Variants in NKAIN3 observed in about 807,000 individuals in gnomAD.
The protein encoded by NKAIN3 is sodium/potassium transporting ATPase interacting 3.
A neutral mutation model predicts 30.2 loss-of-function variants in NKAIN3; 25 were observed. The ratio of observed to expected loss-of-function variants is 0.83; its 90% CI spans 0.60 to 1.16. The LOEUF is 1.16. Ranked by LOEUF, NKAIN3 falls within the 50% of genes most tolerant of loss-of-function variation. The pLI is 0.00. For missense variants in NKAIN3, 225 were observed against 254.1 expected (o/e 0.89, Z 0.78); for synonymous variants, 91 against 89.6 (o/e 1.02, Z -0.09).
At chr8:62,651,592 GCCTAC>G (rs1203100730) in intron 3 of NKAIN3, among the ~76,000 whole-genome samples, 3 of 152,162 alleles carry the variant, frequency 2.0e-5, no homozygotes, top group Non-Finnish European at 2.9e-5. Context: ...TCTGGTGAGG[GCCTAC>G]TTTTTGGTTC....
At chr8:62,873,308 C>A (rs1211315663) in intron 4 of NKAIN3, among the ~76,000 whole-genome samples, 1 of 151,858 alleles carries the variant, frequency 6.6e-6, no homozygotes, top group Admixed American at 6.6e-5. Flanking sequence ...TATACATGCA[C>A]CCAATAAAGA....
At chr8:62,300,005 C>T (rs1307565380) in intron 1 of NKAIN3, among the ~76,000 whole-genome samples, 1 of 152,038 alleles carries the variant, frequency 6.6e-6, no homozygotes, top group African/African-American at 2.4e-5. Flanking sequence ...AAATCATGAT[C>T]AGAACAAGAA....
At chr8:62,823,789 G>T (rs1818930827) in intron 4 of NKAIN3, among the ~76,000 whole-genome samples, 1 of 152,058 alleles carries the variant, frequency 6.6e-6, no homozygotes. Flanking sequence ...AGTGTCATTT[G>T]GGCTCAAGGT....
chr8:62,596,738 C>G (rs1281218360), intron 3 of NKAIN3, among the ~76,000 whole-genome samples: 1 of 152,048 alleles, frequency 6.6e-6, no homozygotes, highest in Non-Finnish European at 1.5e-5. Flanking sequence ...AAGGAACTTC[C>G]ATCAGTATAC....
chr8:62,257,190 T>G (rs555363377), intron 1 of NKAIN3, among the ~76,000 whole-genome samples: 1 of 152,294 alleles, frequency 6.6e-6, no homozygotes, highest in African/African-American at 2.4e-5. Flanking sequence ...GATCTCAAAC[T>G]AGAGTCCTTA....
intron 3 of NKAIN3, among the ~76,000 whole-genome samples, chr8:62,591,972 A>G (rs1484093305): frequency 2.6e-5 from 4 of 152,030 alleles, no homozygotes; most frequent in African/African-American, 4.8e-5. Flanking sequence ...TAGATTCTCC[A>G]TCTCCTGCTA....
rs923161544 is a variant in NKAIN3 at position 62,279,452 on chromosome 8, C to T, written c.54+30325C>T. The stretch of plus-strand genomic sequence containing the variant: ...TTTAGACATGAAGTTCTTGCCCATG[C>T]GTATGTCCTGAATGGTATTGCCTAG... On this transcript the variant is annotated intron_variant, in intron 1 of 6. Coordinates refer to ENST00000623646, the MANE Select transcript of NKAIN3 (RefSeq NM_001304533.3). Among the ~76,000 whole-genome samples the T allele has an allele frequency of 4.6e-5, 7 of 152,116 alleles. No homozygotes were observed. In the East Asian group the frequency reaches 5.8e-4, roughly 13 times the overall value.
At chr8:62,954,960 A>T (rs1437968154) in intron 6 of NKAIN3, among the ~76,000 whole-genome samples, 1 of 152,194 alleles carries the variant, frequency 6.6e-6, no homozygotes, top group African/African-American at 2.4e-5. Flanking sequence ...GTGTTCTGTA[A>T]TTTGATGGCG....
At chr8:62,541,372 A>G (rs1292053253) in intron 1 of NKAIN3, among the ~76,000 whole-genome samples, 1 of 152,072 alleles carries the variant, frequency 6.6e-6, no homozygotes, top group Non-Finnish European at 1.5e-5. Flanking sequence ...AAGAAGTCCA[A>G]TGCTATTCTG....
Position 62,796,992 on chromosome 8 carries a change from T to C in NKAIN3, c.471+49863T>C, listed in dbSNP as rs535024331. ...AAGACAGCATGAAGTGCTCTCTGAT[T>C]CCATTTGTTTAGAGAACAATAGCCC... On this transcript the variant is annotated intron_variant, in intron 4 of 6. Transcript: ENST00000623646. Among the ~76,000 whole-genome samples the C allele has an allele frequency of 5.3e-5, 8 of 152,328 alleles. No individual in the cohort carries two copies. In the South Asian group the frequency reaches 1.2e-3, roughly 24 times the overall value.
At chr8:62,380,633 G>T (rs1488917309) in intron 1 of NKAIN3, among the ~76,000 whole-genome samples, 1 of 152,156 alleles carries the variant, frequency 6.6e-6, no homozygotes, top group Non-Finnish European at 1.5e-5. Context: ...GTAGGAAAGT[G>T]GTAGAAAAGG....
chr8:62,586,696 A>T (rs1462673602), intron 2 of NKAIN3, among the ~76,000 whole-genome samples: 4 of 152,120 alleles, frequency 2.6e-5, no homozygotes, highest in African/African-American at 9.6e-5. Flanking sequence ...GATGGGGAAG[A>T]AATAGACTGG....
intron 1 of NKAIN3, among the ~76,000 whole-genome samples, chr8:62,394,316 A>G (rs994879943): frequency 6.6e-6 from 1 of 152,120 alleles, no homozygotes; most frequent in Non-Finnish European, 1.5e-5. Context: ...AGATAATCTT[A>G]CAGTTTTTCT....
chr8:62,908,662 C>T (rs1821849835), intron 4 of NKAIN3, among the ~76,000 whole-genome samples: 1 of 152,188 alleles, frequency 6.6e-6, no homozygotes, highest in Non-Finnish European at 1.5e-5. Flanking sequence ...TCTCTTGCCT[C>T]CCACCATGTA....
At chr8:62,863,521 C>G in intron 4 of NKAIN3, 2 of 1,417,064 alleles carry the variant, frequency 1.4e-6, no homozygotes, top group South Asian at 2.3e-5. Context: ...GATAGTTGAA[C>G]TTGATGATCC....
chr8:62,671,833 C>A (rs752055112), intron 3 of NKAIN3, among the ~76,000 whole-genome samples: 4 of 152,004 alleles, frequency 2.6e-5, no homozygotes, highest in Non-Finnish European at 5.9e-5. Context: ...AAAATGACTT[C>A]AGCAGTCCCA....
intron 1 of NKAIN3, among the ~76,000 whole-genome samples, chr8:62,517,506 C>A (rs947141835): frequency 6.6e-6 from 1 of 152,092 alleles, no homozygotes; most frequent in African/African-American, 2.4e-5. Flanking sequence ...TATGATTTTT[C>A]ATTGGCAATG....
chr8:62,386,319 TA>T (rs1299730981), intron 1 of NKAIN3, among the ~76,000 whole-genome samples: 4 of 152,154 alleles, frequency 2.6e-5, no homozygotes, highest in Non-Finnish European at 5.9e-5. Flanking sequence ...TTTTCAAAAC[TA>T]AAAAATGTTT....
At chr8:62,290,765 G>A (rs55790268) in intron 1 of NKAIN3, among the ~76,000 whole-genome samples, 2 of 152,134 alleles carry the variant, frequency 1.3e-5, no homozygotes, top group African/African-American at 2.4e-5. Flanking sequence ...AAATGAATTA[G>A]GGATGATTCT....
Sources: allele counts gnomAD v4.1 joint callset (sites outside exome capture counted in the v4.1 genomes callset), GRCh38; gene constraint gnomAD v4.1.1; transcripts MANE v1.5; gene names NCBI Gene and HGNC (gene_info 2026-07-23, HGNC 2026-07-21).